Variants in VPS4A observed in about 807,000 individuals in gnomAD.
The protein encoded by VPS4A is vacuolar protein sorting 4 homolog A.
In VPS4A, 20 loss-of-function variants were observed where a neutral mutation model predicts 52.3. The observed-to-expected ratio is 0.38, with a 90% confidence interval of 0.27 to 0.56. The LOEUF (loss-of-function observed/expected upper bound fraction) is 0.56, where lower values mean the gene tolerates loss of function less well. VPS4A is among the 20% of genes least tolerant of loss of function. The probability of loss-of-function intolerance (pLI) is 0.72; values close to 1 mark genes in which losing one functional copy is unlikely to be tolerated. For missense variants in VPS4A, 419 were observed against 575.9 expected, an observed-to-expected ratio of 0.73 and a Z score of 2.79; for synonymous variants, 293 against 227.7, an observed-to-expected ratio of 1.29 and a Z score of -2.58.
chr16:69,316,848 G>A (rs531885947), intron 3 of VPS4A, among the ~76,000 whole-genome samples: 3 of 152,312 alleles, frequency 2.0e-5, no homozygotes, highest in Admixed American at 6.5e-5. Flanking sequence ...CGGCCGGCTC[G>A]GGTTAGGAGC....
In VPS4A at chr16:69,320,343, T is replaced by TG; in HGVS notation, c.769+57dup. 1 of 1,594,364 alleles carries TG rather than the reference T, an allele frequency of 6.3e-7. No homozygotes were observed. The highest frequency in any genetic ancestry group is 8.6e-7 in the Non-Finnish European group (1 of 1,166,242). The stretch of plus-strand genomic sequence containing the variant: ...TTCTTGTTGCACCTGAAGCCAACCC[T>TG]GGGCTTTATTCTGAGCTGCGGCTGG... On this transcript the variant is annotated intron_variant, in intron 7 of 10. Transcript: ENST00000254950. The surrounding 1 kb of genome is among the most constrained non-coding windows in gnomAD (Gnocchi z 4.2).
At chr16:69,319,896 G>C (rs573870976) in intron 6 of VPS4A, among the ~76,000 whole-genome samples, 1 of 152,208 alleles carries the variant, frequency 6.6e-6, no homozygotes, top group Non-Finnish European at 1.5e-5. Context: ...CTGACGTGTT[G>C]TAAGTGCAGA....
In VPS4A at chr16:69,325,015, C is replaced by A. The variant is rs772099788; in HGVS notation, c.*706C>A. ...CCTGGGTCCCTGTCCTGGAAATGGTCTAATAAATCCTTTTCCCTTCTTGAG... is the reference window on the plus strand; with the variant it reads ...CCTGGGTCCCTGTCCTGGAAATGGTATAATAAATCCTTTTCCCTTCTTGAG... On this transcript the variant is annotated 3_prime_UTR_variant, in exon 11 of 11. Coordinates refer to ENST00000254950, the MANE Select transcript of VPS4A (RefSeq NM_013245.3). 1 of 152,416 alleles carries A rather than the reference C, an allele frequency of 6.6e-6. No individual in the cohort carries two copies. The highest frequency in any genetic ancestry group is 2.4e-5 in the African/African-American group (1 of 41,458). 9.4% of individuals were successfully genotyped at this position (152,416 alleles called of 1,614,324 possible).
chr16:69,320,926 G>T lies in VPS4A; in HGVS notation c.852-125G>T, dbSNP rs2143264344. On this transcript the variant is annotated intron_variant, in intron 8 of 10. Coordinates refer to ENST00000254950, the MANE Select transcript of VPS4A (RefSeq NM_013245.3). This position sits in a 1 kb window ranked among gnomAD's most constrained non-coding sequence, Gnocchi z 4.2. Reference sequence around the variant, plus strand: ...GCCCTTTGTGAGGCTGGCTTGTTGAGGATGTGCCGCCAGCATCACTGGCCC... The same window carrying T: ...GCCCTTTGTGAGGCTGGCTTGTTGATGATGTGCCGCCAGCATCACTGGCCC... The T allele has an allele frequency of 3.2e-6, 4 of 1,241,484 alleles. No homozygotes were observed. Among genetic ancestry groups the T allele is most frequent in the Middle Eastern group, 2.1e-4 (1 of 4,760 alleles). The allele number at this position is 1,241,484 out of a possible 1,614,324, so 76.9% of individuals were successfully genotyped here. A position where few individuals can be genotyped will look rare whatever the true frequency, so the allele number is the denominator to read the frequency against.
chr16:69,311,694 A>C (rs1965379913), intron 1 of VPS4A, among the ~76,000 whole-genome samples, 162 bp downstream of exon 1: 1 of 151,302 alleles, frequency 6.6e-6, no homozygotes, highest in Non-Finnish European at 1.5e-5. Flanking sequence ...GTCTGTTTCC[A>C]CGCGCTCGGA....
intron 1 of VPS4A, among the ~76,000 whole-genome samples, chr16:69,314,093 G>A (rs1254324102): frequency 6.8e-6 from 1 of 147,140 alleles, no homozygotes; most frequent in East Asian, 2.0e-4. Context: ...AGCCTCCCAA[G>A]TAGCCGTAAC....
At position 69,320,590 on chromosome 16, in the gene VPS4A, C is replaced by T; in HGVS notation, c.770-98C>T. 1 of 1,071,424 alleles carries T rather than the reference C, an allele frequency of 9.3e-7. No individual in the cohort carries two copies. Among genetic ancestry groups the T allele is most frequent in the Admixed American group, 2.3e-5 (1 of 43,060 alleles). The allele number at this position is 1,071,424 out of a possible 1,614,324, so 66.4% of individuals were successfully genotyped here. A position where few individuals can be genotyped will look rare whatever the true frequency, so the allele number is the denominator to read the frequency against. On this transcript the variant is annotated intron_variant, in intron 7 of 10. Coordinates refer to ENST00000254950, the MANE Select transcript of VPS4A (RefSeq NM_013245.3). The surrounding 1 kb of genome is among the most constrained non-coding windows in gnomAD (Gnocchi z 4.2). The stretch of plus-strand genomic sequence containing the variant: ...GTGGTGGGTGGCACAGGGATGGCTT[C>T]AATTGCTGACACACAAAGCCCCCGG...
At chr16:69,323,046 TGACA>T in intron 10 of VPS4A, 1 of 168,810 alleles carries the variant, frequency 5.9e-6, no homozygotes, top group South Asian at 1.6e-4. Flanking sequence ...CCAGCCTGGG[TGACA>T]GAGTGAGACT....
intron 10 of VPS4A, chr16:69,323,437 G>A (rs1390676140): frequency 1.3e-5 from 4 of 318,156 alleles, no homozygotes; most frequent in East Asian, 9.8e-5. Context: ...AGCATGAGCT[G>A]AGCCACCACA....
At position 69,318,840 on chromosome 16, in the gene VPS4A, A is replaced by T; in HGVS notation, c.361A>T (p.Lys121Ter). 6.2e-7 allele frequency: 1 copy of T among 1,612,634 alleles called. No individual in the cohort carries two copies. The highest frequency in any genetic ancestry group is 8.5e-7 in the Non-Finnish European group (1 of 1,179,482). The stretch of plus-strand genomic sequence containing the variant: ...TCTCGCAGGTGCCGTCGTGATGGAG[A>T]AGCCCAACATACGGTGGAACGACGT... ...EQLMGAVVME[K>*]PNIRWNDVAG... is the part of the protein sequence containing the mutation. The change falls in exon 5 of 11, where the codon AAG (lysine) becomes TAG (stop). Residue 121 changes from lysine (K) to a stop codon, truncating the protein, a stop_gained. Transcript: ENST00000254950. LOFTEE classifies it high-confidence loss of function.
chr16:69,320,081 G>A lies in VPS4A; in HGVS notation c.621-60G>A. The A allele has an allele frequency of 1.3e-6, 2 of 1,553,510 alleles. No homozygotes were observed. Among genetic ancestry groups the A allele is most frequent in the Non-Finnish European group, 1.8e-6 (2 of 1,142,584 alleles). ...GAAGGGTGAGAAGAGGGAAGTGCCG[G>A]GAGCCCAGGCGGGCACGGACGTGAA... On this transcript the variant is annotated intron_variant, in intron 6 of 10. Coordinates refer to ENST00000254950, the MANE Select transcript of VPS4A (RefSeq NM_013245.3). The surrounding 1 kb of genome is among the most constrained non-coding windows in gnomAD (Gnocchi z 4.2).
intron 10 of VPS4A, among the ~76,000 whole-genome samples, chr16:69,323,869 G>A (rs1965546072): frequency 6.8e-6 from 1 of 146,560 alleles, no homozygotes; most frequent in Non-Finnish European, 1.5e-5. Context: ...AGAGTCACTT[G>A]AACCGAGGAG....
chr16:69,316,134 G>T lies in VPS4A; in HGVS notation c.133+15G>T. On this transcript the variant is annotated intron_variant, in intron 2 of 10. Coordinates refer to ENST00000254950, the MANE Select transcript of VPS4A (RefSeq NM_013245.3). ...CGCTATCAAGTGTGAGTCACACGAG[G>T]GGTCCTCAGGCTGCCGCACTCCAGA... 6.2e-7 allele frequency: 1 copy of T among 1,613,144 alleles called. No homozygotes were observed. The highest frequency in any genetic ancestry group is 1.1e-5 in the South Asian group (1 of 91,068).
At chr16:69,317,637 C>T (rs1221155583) in intron 3 of VPS4A, among the ~76,000 whole-genome samples, 1 of 152,106 alleles carries the variant, frequency 6.6e-6, no homozygotes, top group Non-Finnish European at 1.5e-5. Flanking sequence ...ACTAAAAATA[C>T]AAAATATTAG....
At chr16:69,312,778 A>G (rs184198712) in intron 1 of VPS4A, among the ~76,000 whole-genome samples, 60 of 151,306 alleles carry the variant, frequency 4.0e-4, no homozygotes, top group African/African-American at 1.4e-3. Flanking sequence ...ACGCCCGGCT[A>G]ATTTTTGTAT....
chr16:69,325,064 C>T lies in VPS4A; in HGVS notation c.*755C>T, dbSNP rs1056023239. 2.0e-5 allele frequency: 3 copies of T among 152,256 alleles called. No homozygotes were observed. Among genetic ancestry groups the T allele is most frequent in the Non-Finnish European group, 4.4e-5 (3 of 68,080 alleles). The allele number at this position is 152,256 out of a possible 1,614,324, so 9.4% of individuals were successfully genotyped here. ...AGCTACCCAAGTGATCTCATCTTTC[C>T]TTGACTCTTAACTGAGACTCTGAAG... On this transcript the variant is annotated 3_prime_UTR_variant, in exon 11 of 11. Transcript: ENST00000254950.
chr16:69,318,767 G>A, intron 4 of VPS4A, 56 bp downstream of exon 4: 1 of 1,613,182 alleles, frequency 6.2e-7, no homozygotes, highest in East Asian at 2.2e-5. Context: ...GTCCGCTGCT[G>A]GGTTGGCTCA....
In VPS4A at chr16:69,319,400, C is replaced by G. The variant is rs760727721; in HGVS notation, c.477C>G (p.Pro159=). 3.7e-6 allele frequency: 6 copies of G among 1,613,850 alleles called. No individual in the cohort carries two copies. Among genetic ancestry groups the G allele is most frequent in the African/African-American group, 1.3e-5 (1 of 74,958 alleles). ...FPHLFTGKRT[P]WRGILLFGPP... ...TCTCTGTTGCAGGCAAGCGCACCCC[C>G]TGGCGGGGGATTCTGCTGTTCGGAC... The change falls in exon 6 of 11, where the codon CCC becomes CCG. Residue 159 remains proline, a synonymous_variant. Coordinates refer to ENST00000254950, the MANE Select transcript of VPS4A (RefSeq NM_013245.3).
intron 9 of VPS4A, 25 bp from the exon 10 acceptor site, chr16:69,322,535 C>T (rs761949449): frequency 1.9e-6 from 3 of 1,602,178 alleles, no homozygotes; most frequent in South Asian, 2.2e-5. Flanking sequence ...GGGCAGCTGC[C>T]CCAGTCAGAT....
Sources: gnomAD v4.1 joint callset for allele counts (sites outside exome capture counted in the v4.1 genomes callset) on GRCh38, gnomAD v4.1.1 for gene constraint, Gnocchi (gnomAD v3.1) non-coding constraint, MANE v1.5 for transcripts, NCBI Gene and HGNC (gene_info 2026-07-23, HGNC 2026-07-21) for gene names.